Variants in PSD3 observed in about 807,000 individuals in gnomAD.
PSD3 encodes pleckstrin and Sec7 domain containing 3.
In PSD3, 49 loss-of-function variants were observed where a neutral mutation model predicts 105.5. The observed-to-expected ratio is 0.46, with a 90% confidence interval of 0.37 to 0.59. The LOEUF (loss-of-function observed/expected upper bound fraction) is 0.59, where lower values mean the gene tolerates loss of function less well. PSD3 is among the 20% of genes least tolerant of loss of function. The pLI is 0.00. For synonymous variants in PSD3, 557 were observed against 457.8 expected (o/e 1.22, Z -2.77); for missense variants, 1,561 against 1,263.8 (o/e 1.24, Z -3.57).
At chr8:18,538,086 A>G (rs566063326) in intron 15 of PSD3, among the ~76,000 whole-genome samples, 1 of 152,344 alleles carries the variant, frequency 6.6e-6, no homozygotes, top group South Asian at 2.1e-4. Flanking sequence ...GCACCTGAGG[A>G]AAAATGGAAA....
chr8:18,816,337 A>G (rs758152503), intron 4 of PSD3, among the ~76,000 whole-genome samples: 19 of 152,354 alleles, frequency 1.2e-4, no homozygotes, highest in Admixed American at 2.6e-4. Context: ...GTGCAGTTAA[A>G]TAACTTTGCC....
intron 1 of PSD3, among the ~76,000 whole-genome samples, chr8:19,028,492 A>G (rs1333579575): frequency 6.6e-6 from 1 of 151,952 alleles, no homozygotes; most frequent in Non-Finnish European, 1.5e-5. Context: ...AAGCGCTGGG[A>G]TTATGGATGT....
At chr8:18,554,334 T>G (rs1232321303) in intron 15 of PSD3, among the ~76,000 whole-genome samples, 2 of 152,240 alleles carry the variant, frequency 1.3e-5, no homozygotes, top group African/African-American at 4.8e-5. Context: ...TTCCCAAGAA[T>G]GAACAAGCCT....
rs567493976 is a variant in PSD3 at position 18,965,190 on chromosome 8, T to G, written c.22-29048A>C. Among the ~76,000 whole-genome samples, 12 of 152,346 alleles carry G rather than the reference T, an allele frequency of 7.9e-5. 1 individual carries two copies. In the East Asian group the frequency reaches 1.9e-3, roughly 24 times the overall value. On this transcript the variant is annotated intron_variant, in intron 1 of 15. Transcript: ENST00000327040. The stretch of plus-strand genomic sequence containing the variant: ...CAAATAGCAACATTATTTTAAACTT[T>G]GCTGTTTTCTATGACAATAACCTCA...
At chr8:18,558,021 G>A (rs1415587348) in intron 14 of PSD3, among the ~76,000 whole-genome samples, 5 of 152,168 alleles carry the variant, frequency 3.3e-5, no homozygotes, top group Non-Finnish European at 5.9e-5. Context: ...CTGTGTGCAA[G>A]CACCAATGGA....
upstream of PSD3, among the ~76,000 whole-genome samples, chr8:19,018,108 T>C (rs7016591): frequency 0.022 from 3,316 of 152,274 alleles, 133 homozygotes; most frequent in African/African-American, 0.076. Flanking sequence ...GGGTGTGAAG[T>C]GGTAGATTGA....
intron 9 of PSD3, among the ~76,000 whole-genome samples, chr8:18,698,349 G>C (rs568050490): frequency 6.6e-6 from 1 of 152,176 alleles, no homozygotes; most frequent in African/African-American, 2.4e-5. Context: ...TAACTCCTGG[G>C]CTCAAGTGAT....
intron 1 of PSD3, among the ~76,000 whole-genome samples, chr8:18,989,058 C>G (rs1563490012): frequency 6.6e-6 from 1 of 152,144 alleles, no homozygotes; most frequent in Non-Finnish European, 1.5e-5. Flanking sequence ...TTCAGACGGC[C>G]TCTATTCAAT....
chr8:18,727,763 T>C (rs1803443020), intron 9 of PSD3, among the ~76,000 whole-genome samples: 1 of 152,094 alleles, frequency 6.6e-6, no homozygotes, highest in African/African-American at 2.4e-5. Flanking sequence ...TCAGAAGTTA[T>C]TTATACTTCC....
intron 1 of PSD3, among the ~76,000 whole-genome samples, chr8:19,047,854 A>T (rs1828380696): frequency 6.6e-6 from 1 of 152,144 alleles, no homozygotes. Context: ...TGCAGTGGCC[A>T]GGTGGGCCTC....
At chr8:19,008,683 TA>T (rs140762616) in intron 1 of PSD3, among the ~76,000 whole-genome samples, 14,456 of 152,242 alleles carry the variant, frequency 0.095, 887 homozygotes, top group Non-Finnish European at 0.14. Flanking sequence ...CTGCTTCTAT[TA>T]AAATTTTCTA....
chr8:19,037,332 T>C (rs1382721548), intron 1 of PSD3, among the ~76,000 whole-genome samples: 4 of 152,232 alleles, frequency 2.6e-5, no homozygotes, highest in Non-Finnish European at 4.4e-5. Flanking sequence ...TTGGGTGACA[T>C]TGGGCCACAT....
intron 1 of PSD3, among the ~76,000 whole-genome samples, chr8:19,055,135 C>T (rs1828665320): frequency 6.6e-6 from 1 of 152,232 alleles, no homozygotes; most frequent in South Asian, 2.1e-4. Context: ...TTGCATTAAT[C>T]CACTGAGAGC....
At chr8:18,915,698 G>A (rs544987814) in intron 2 of PSD3, among the ~76,000 whole-genome samples, 2 of 152,298 alleles carry the variant, frequency 1.3e-5, no homozygotes, top group African/African-American at 4.8e-5. Context: ...GAATCTGTTA[G>A]AATGGCTAAT....
At chr8:18,903,130 C>T (rs1819617361) in intron 2 of PSD3, among the ~76,000 whole-genome samples, 1 of 152,190 alleles carries the variant, frequency 6.6e-6, no homozygotes, top group Non-Finnish European at 1.5e-5. Flanking sequence ...CCTAGCAGCT[C>T]AGGCTCAGGG....
intron 1 of PSD3, among the ~76,000 whole-genome samples, chr8:18,957,328 G>A (rs113788223): frequency 0.015 from 2,246 of 150,608 alleles, 72 homozygotes; most frequent in African/African-American, 0.052. Context: ...CGGAGATCAC[G>A]TCACTGCACT....
intron 2 of PSD3, among the ~76,000 whole-genome samples, chr8:18,884,499 C>A (rs1818324245): frequency 6.6e-6 from 1 of 152,130 alleles, no homozygotes; most frequent in Non-Finnish European, 1.5e-5. Flanking sequence ...TTAAGACACT[C>A]TCTTCACCCT....
intron 4 of PSD3, among the ~76,000 whole-genome samples, chr8:18,838,527 C>T (rs901675610): frequency 2.8e-4 from 42 of 152,028 alleles, no homozygotes; most frequent in Non-Finnish European, 4.4e-4. Context: ...TCCGGCTGAG[C>T]GTGGTGGCTC....
intron 1 of PSD3, among the ~76,000 whole-genome samples, chr8:19,018,940 G>A (rs180928607): frequency 4.6e-5 from 7 of 152,218 alleles, no homozygotes; most frequent in Admixed American, 2.0e-4. Context: ...GGGACTACAG[G>A]CGCACACAGC....
Sources: allele counts gnomAD v4.1 joint callset (sites outside exome capture counted in the v4.1 genomes callset), GRCh38; gene constraint gnomAD v4.1.1; transcripts MANE v1.5; gene names NCBI Gene and HGNC (gene_info 2026-07-23, HGNC 2026-07-21).